The following CPQ variants were observed in gnomAD, a reference collection of about 807,000 sequenced individuals.
CPQ encodes carboxypeptidase Q, also known as Ser-Met dipeptidase.
Under a neutral mutation model 45.7 loss-of-function variants are expected in CPQ, and 37 were observed. The observed-to-expected ratio is 0.81, with a 90% confidence interval of 0.62 to 1.07. The LOEUF (loss-of-function observed/expected upper bound fraction) is 1.07, where lower values mean the gene tolerates loss of function less well. CPQ is among the 50% of genes least tolerant of loss of function. The pLI is 0.00. For synonymous variants in CPQ, 186 were observed against 205.8 expected (o/e 0.90, Z 0.82); for missense variants, 537 against 572.9 (o/e 0.94, Z 0.64).
At chr8:96,975,428 C>G (rs911864815) in intron 5 of CPQ, among the ~76,000 whole-genome samples, 4 of 151,794 alleles carry the variant, frequency 2.6e-5, no homozygotes, top group African/African-American at 7.3e-5. Context: ...GGTACCAATT[C>G]TACTATTTCA....
chr8:96,967,995 ATAACT>A (rs776669386), intron 5 of CPQ, among the ~76,000 whole-genome samples: 4 of 152,370 alleles, frequency 2.6e-5, no homozygotes, highest in South Asian at 4.1e-4. Context: ...GTTAACTTTT[ATAACT>A]TAACTTAATA....
intron 1 of CPQ, among the ~76,000 whole-genome samples, chr8:96,676,253 C>T (rs529050646): frequency 6.6e-6 from 1 of 152,086 alleles, no homozygotes; most frequent in East Asian, 1.9e-4. Flanking sequence ...CTCTCTTCAT[C>T]CCTCCCACTG....
chr8:96,812,211 A>G (rs974715165), intron 2 of CPQ, among the ~76,000 whole-genome samples: 1 of 152,100 alleles, frequency 6.6e-6, no homozygotes, highest in Non-Finnish European at 1.5e-5. Context: ...CCTCCCCTCA[A>G]ATAAAACCAG....
intron 6 of CPQ, among the ~76,000 whole-genome samples, chr8:97,035,218 T>C (rs1809977891): frequency 2.6e-5 from 4 of 152,206 alleles, no homozygotes; most frequent in Admixed American, 2.6e-4. Flanking sequence ...GGTAGTTTTC[T>C]ATTGTGTGAA....
At chr8:96,649,619 C>T (rs919160511) in intron 1 of CPQ, among the ~76,000 whole-genome samples, 6 of 152,096 alleles carry the variant, frequency 3.9e-5, no homozygotes, top group African/African-American at 1.4e-4. Flanking sequence ...GAAGAAGTTT[C>T]GGGAGAAAGA....
chr8:97,015,417 T>TTA (rs1554583582), intron 5 of CPQ, among the ~76,000 whole-genome samples: 38 of 145,352 alleles, frequency 2.6e-4, no homozygotes, highest in African/African-American at 9.5e-4. Context: ...CAATTTAAAT[T>TTA]AAAAAAAAAA....
At chr8:96,689,443 A>G (rs80327130) in intron 1 of CPQ, among the ~76,000 whole-genome samples, 5 of 152,296 alleles carry the variant, frequency 3.3e-5, no homozygotes, top group African/African-American at 4.8e-5. Context: ...TCTTCGTTAT[A>G]GAGAATTCAG....
At chr8:96,974,367 A>G (rs1458595945) in intron 5 of CPQ, among the ~76,000 whole-genome samples, 1 of 152,204 alleles carries the variant, frequency 6.6e-6, no homozygotes, top group Non-Finnish European at 1.5e-5. Flanking sequence ...TCCCAAATTT[A>G]TGAAACAATT....
chr8:97,099,057 GA>G (rs1811255945), intron 7 of CPQ, among the ~76,000 whole-genome samples: 1 of 144,024 alleles, frequency 6.9e-6, no homozygotes, highest in African/African-American at 2.5e-5. Context: ...AAGCATTCAA[GA>G]TGCTAAATTT....
rs148806323 is a variant in CPQ, at chr8:97,090,375, C to T, written c.1255+24165C>T. 3.7e-3 allele frequency among the ~76,000 whole-genome samples: 560 copies of T among 152,196 alleles called. 1 individual carries two copies. Among genetic ancestry groups the T allele is most frequent in the African/African-American group, 0.012 (513 of 41,526 alleles). On this transcript the variant is annotated intron_variant, in intron 7 of 7. Transcript: ENST00000220763. ...TGTAGTTATATAAGTAAAAGTTTTC[C>T]AGAACAAAATACCAATTGAAAACCT...
chr8:96,648,637 C>T (rs984393864), intron 1 of CPQ, among the ~76,000 whole-genome samples: 2 of 151,968 alleles, frequency 1.3e-5, no homozygotes, highest in African/African-American at 2.4e-5. Context: ...GGAGAGTGAC[C>T]CATCTGCAAA....
At chr8:96,964,245 G>A (rs556508873) in intron 4 of CPQ, among the ~76,000 whole-genome samples, 1 of 150,022 alleles carries the variant, frequency 6.7e-6, no homozygotes, top group South Asian at 2.1e-4. Context: ...ACGAGGAGTA[G>A]CATTGCTGGG....
At chr8:97,074,993 G>C (rs192543692) in intron 7 of CPQ, among the ~76,000 whole-genome samples, 1 of 151,918 alleles carries the variant, frequency 6.6e-6, no homozygotes, top group Non-Finnish European at 1.5e-5. Flanking sequence ...CGAAGATACC[G>C]GAACGCTTTA....
chr8:96,785,844 A>G (rs923262643), intron 2 of CPQ, among the ~76,000 whole-genome samples: 1 of 152,152 alleles, frequency 6.6e-6, no homozygotes. Flanking sequence ...TTATCAGATA[A>G]TATACAGTAA....
rs183007068 is a variant in CPQ, at chr8:96,692,563, T to A, written c.-35+47161T>A. Among the ~76,000 whole-genome samples the A allele has an allele frequency of 8.5e-5, 13 of 152,254 alleles. No individual in the cohort carries two copies. The East Asian group carries it at 2.3e-3, about 27-fold the overall frequency. ...TGGTAATCCAGAGAATTCTTCCGGA[T>A]CTTATCCAAGACCATGAAGGCGATA... On this transcript the variant is annotated intron_variant, in intron 1 of 7. Coordinates refer to ENST00000220763, the MANE Select transcript of CPQ (RefSeq NM_016134.4).
chr8:97,114,181 G>A (rs1318910814), intron 7 of CPQ, among the ~76,000 whole-genome samples: 1 of 152,186 alleles, frequency 6.6e-6, no homozygotes, highest in African/African-American at 2.4e-5. Context: ...GCATGTTGGT[G>A]CAGTTGAAAT....
At chr8:97,020,140 T>C (rs556007177) in intron 5 of CPQ, among the ~76,000 whole-genome samples, 3 of 152,116 alleles carry the variant, frequency 2.0e-5, no homozygotes, top group South Asian at 2.1e-4. Context: ...TGGGTCAAAA[T>C]TGAAATCAAG....
At chr8:96,667,735 C>G (rs1808945200) in intron 1 of CPQ, among the ~76,000 whole-genome samples, 1 of 152,092 alleles carries the variant, frequency 6.6e-6, no homozygotes, top group Admixed American at 6.6e-5. Flanking sequence ...TTGTTCCCAA[C>G]CCGAAATCCC....
chr8:96,929,211 C>T (rs1812937408), intron 4 of CPQ, among the ~76,000 whole-genome samples: 1 of 152,138 alleles, frequency 6.6e-6, no homozygotes, highest in South Asian at 2.1e-4. Flanking sequence ...AAACTGCCTA[C>T]AAAGACCCTT....
Sources: allele counts gnomAD v4.1 joint callset (sites outside exome capture counted in the v4.1 genomes callset), GRCh38; gene constraint gnomAD v4.1.1; transcripts MANE v1.5; gene names NCBI Gene and HGNC (gene_info 2026-07-23, HGNC 2026-07-21).